UNC5C: variants seen among roughly 807,000 people sequenced by gnomAD.
UNC5C encodes unc-5 netrin receptor C.
In UNC5C, 47 loss-of-function variants were observed where a neutral mutation model predicts 99.8. That is an observed-to-expected ratio of 0.47 (90% CI 0.37 to 0.60). The LOEUF (loss-of-function observed/expected upper bound fraction) is 0.60, where lower values mean the gene tolerates loss of function less well. Ranked by LOEUF, UNC5C falls within the 20% of genes least tolerant of loss-of-function variation. The probability of loss-of-function intolerance (pLI) is 0.00; values close to 1 mark genes in which losing one functional copy is unlikely to be tolerated. For synonymous variants in UNC5C, 487 were observed against 452.2 expected (o/e 1.08, Z -0.98); for missense variants, 1,062 against 1,165.9 (o/e 0.91, Z 1.30).
At chr4:95,442,943 G>C (rs1746994843) in intron 1 of UNC5C, among the ~76,000 whole-genome samples, 1 of 152,012 alleles carries the variant, frequency 6.6e-6, no homozygotes. Context: ...CCTAGGTTTG[G>C]AGGACATGAT....
intron 1 of UNC5C, among the ~76,000 whole-genome samples, chr4:95,382,844 G>A (rs534094737): frequency 1.3e-5 from 2 of 152,282 alleles, no homozygotes; most frequent in South Asian, 4.1e-4. Context: ...CTTTTGATGG[G>A]TTAGCTGTCA....
chr4:95,443,455 A>G (rs1047744404), intron 1 of UNC5C, among the ~76,000 whole-genome samples: 8 of 152,228 alleles, frequency 5.3e-5, no homozygotes, highest in African/African-American at 1.7e-4. Context: ...AGATTTCTTC[A>G]AATGACTGAG....
rs2629837 is a variant in UNC5C at position 95,467,194 on chromosome 4, C to T, written c.124+81540G>A. 7.9e-3 allele frequency among the ~76,000 whole-genome samples: 1,210 copies of T among 152,296 alleles called. 8 individuals carry two copies. The highest frequency in any genetic ancestry group is 0.024 in the Middle Eastern group (7 of 294). ...TCTGAGCTAGAGCCAACTATCTAAG[C>T]TACTCCTAGATTCCCCACCCTCAGA... On this transcript the variant is annotated intron_variant, in intron 1 of 15. Transcript: ENST00000453304.
intron 10 of UNC5C, among the ~76,000 whole-genome samples, chr4:95,213,516 C>CCA (rs1738146511): frequency 6.6e-6 from 1 of 152,192 alleles, no homozygotes; most frequent in East Asian, 1.9e-4. Context: ...TGTTCAGCTG[C>CCA]CAGCCTGCAC....
chr4:95,267,949 A>ATGTTTTTTTT (rs1740507952), intron 4 of UNC5C, among the ~76,000 whole-genome samples: 1 of 117,568 alleles, frequency 8.5e-6, no homozygotes, highest in Non-Finnish European at 1.7e-5. Flanking sequence ...GAATTTTGTG[A>ATGTTTTTTTT]TTTTTTTTTT....
At chr4:95,301,953 A>G (rs1380092166) in intron 2 of UNC5C, among the ~76,000 whole-genome samples, 3 of 152,080 alleles carry the variant, frequency 2.0e-5, no homozygotes, top group Non-Finnish European at 4.4e-5. Context: ...GCTATTTCAC[A>G]TCTTCTGGAT....
intron 1 of UNC5C, among the ~76,000 whole-genome samples, chr4:95,496,041 T>C (rs1721623053): frequency 6.6e-6 from 1 of 151,758 alleles, no homozygotes; most frequent in South Asian, 2.1e-4. Flanking sequence ...TAGAAACATA[T>C]GTTTTGTTAA....
intron 1 of UNC5C, among the ~76,000 whole-genome samples, chr4:95,518,802 C>T (rs1722279301): frequency 6.6e-6 from 1 of 152,046 alleles, no homozygotes; most frequent in African/African-American, 2.4e-5. Flanking sequence ...GGTTGCTCTC[C>T]AAAGATTTAA....
At chr4:95,441,484 A>C (rs1006474834) in intron 1 of UNC5C, among the ~76,000 whole-genome samples, 2 of 152,182 alleles carry the variant, frequency 1.3e-5, no homozygotes, top group Non-Finnish European at 2.9e-5. Flanking sequence ...TTTTCAATCA[A>C]TATTTGACTA....
At chr4:95,327,303 A>C (rs1363207657) in intron 2 of UNC5C, among the ~76,000 whole-genome samples, 1 of 152,098 alleles carries the variant, frequency 6.6e-6, no homozygotes, top group Non-Finnish European at 1.5e-5. Flanking sequence ...CTCCACCAAT[A>C]TTTGTCCATA....
intron 1 of UNC5C, among the ~76,000 whole-genome samples, chr4:95,389,614 C>T (rs893081215): frequency 4.6e-5 from 7 of 151,736 alleles, no homozygotes; most frequent in African/African-American, 1.7e-4. Context: ...ATGCTTATTT[C>T]TGTTATTGGA....
At chr4:95,362,638 C>T (rs1399972635) in intron 1 of UNC5C, among the ~76,000 whole-genome samples, 1 of 152,144 alleles carries the variant, frequency 6.6e-6, no homozygotes, top group Admixed American at 6.6e-5. Context: ...CTTGCACCCG[C>T]AGGATTCCTC....
chr4:95,466,691 A>C (rs1032373715), intron 1 of UNC5C, among the ~76,000 whole-genome samples: 3 of 152,102 alleles, frequency 2.0e-5, no homozygotes, highest in African/African-American at 7.2e-5. Flanking sequence ...GAAAAAAAAA[A>C]TCCCAGGCCT....
chr4:95,541,142 T>C (rs191332924), intron 1 of UNC5C, among the ~76,000 whole-genome samples: 2 of 152,346 alleles, frequency 1.3e-5, no homozygotes, highest in Admixed American at 1.3e-4. Flanking sequence ...CCCCTGCTTA[T>C]CTGCAGTTCA....
At chr4:95,317,535 GA>G (rs1176698694) in intron 2 of UNC5C, among the ~76,000 whole-genome samples, 2 of 152,160 alleles carry the variant, frequency 1.3e-5, no homozygotes, top group Non-Finnish European at 2.9e-5. Flanking sequence ...CAACAATGTG[GA>G]GAAAGAACTT....
Position 95,489,756 on chromosome 4 carries a change from A to G in UNC5C, c.124+58978T>C, listed in dbSNP as rs147204979. ...GTGAGAAGCTGACGAATGGAATGGG[A>G]TGCAGAGGAGGAATTTTGGGGTAAC... On this transcript the variant is annotated intron_variant, in intron 1 of 15. Transcript: ENST00000453304. 4.0e-3 allele frequency among the ~76,000 whole-genome samples: 605 copies of G among 151,772 alleles called. 3 individuals carry two copies. Among genetic ancestry groups the G allele is most frequent in the Admixed American group, 5.5e-3 (83 of 15,186 alleles).
intron 1 of UNC5C, among the ~76,000 whole-genome samples, chr4:95,414,678 C>T (rs1229994090): frequency 6.6e-6 from 1 of 152,170 alleles, no homozygotes; most frequent in Non-Finnish European, 1.5e-5. Context: ...AAAATATACA[C>T]GTACATTTAA....
At chr4:95,205,135 A>G (rs1007239760) in intron 11 of UNC5C, among the ~76,000 whole-genome samples, 1 of 152,034 alleles carries the variant, frequency 6.6e-6, no homozygotes, top group African/African-American at 2.4e-5. Flanking sequence ...CGTCCCAGTC[A>G]CTCACAAGTA....
intron 1 of UNC5C, among the ~76,000 whole-genome samples, chr4:95,360,958 A>AT (rs1200725699): frequency 6.6e-6 from 1 of 152,170 alleles, no homozygotes; most frequent in Non-Finnish European, 1.5e-5. Context: ...ATATGCGGTT[A>AT]TTTTTTAGGA....
Sources: gnomAD v4.1 joint callset for allele counts (sites outside exome capture counted in the v4.1 genomes callset) on GRCh38, gnomAD v4.1.1 for gene constraint, MANE v1.5 for transcripts, NCBI Gene and HGNC (gene_info 2026-07-23, HGNC 2026-07-21) for gene names.